Variants in FABP6 observed in about 807,000 individuals in gnomAD.
FABP6 encodes gastrotropin.
FABP6 carries 13 observed loss-of-function variants against 14.9 expected under a neutral mutation model. The ratio of observed to expected loss-of-function variants is 0.87; its 90% CI spans 0.57 to 1.39. The LOEUF (loss-of-function observed/expected upper bound fraction) is 1.39. Ranked by LOEUF, FABP6 falls within the 40% of genes most tolerant of loss-of-function variation. FABP6 has a pLI of 0.00. For synonymous variants in FABP6, 75 were observed against 63.6 expected, an observed-to-expected ratio of 1.18 and a Z score of -0.85; for missense variants, 161 against 167.2, an observed-to-expected ratio of 0.96 and a Z score of 0.20.
chr5:160,206,367 G>A (rs1292078865), intron 2 of FABP6, among the ~76,000 whole-genome samples: 2 of 152,106 alleles, frequency 1.3e-5, no homozygotes, highest in Non-Finnish European at 2.9e-5. Flanking sequence ...GGCAGAGGCT[G>A]GAGTGAGCTG....
intron 2 of FABP6, 59 bp from the exon 3 acceptor site, chr5:160,234,761 C>T: frequency 7.0e-7 from 1 of 1,421,566 alleles, no homozygotes; most frequent in Non-Finnish European, 9.7e-7. Context: ...CGCCACCAGC[C>T]CCAGATAGTT....
At chr5:160,237,476 C>T (rs572051420) in intron 3 of FABP6, among the ~76,000 whole-genome samples, 10 of 152,098 alleles carry the variant, frequency 6.6e-5, no homozygotes, top group Admixed American at 3.9e-4. Flanking sequence ...CTCTAGAGGC[C>T]CAGAATCATC....
chr5:160,216,349 C>A (rs554884086), intron 3 of FABP6, among the ~76,000 whole-genome samples: 1 of 151,716 alleles, frequency 6.6e-6, no homozygotes, highest in African/African-American at 2.4e-5. Context: ...CTCACTGCAA[C>A]CTTTGCCTCC....
intron 3 of FABP6, among the ~76,000 whole-genome samples, chr5:160,214,039 C>CT (rs1406702155): frequency 6.6e-6 from 1 of 152,108 alleles, no homozygotes. Context: ...TATAAATCAC[C>CT]TTTTTTATTT....
At chr5:160,202,544 C>T (rs1759664420) in intron 2 of FABP6, among the ~76,000 whole-genome samples, 1 of 152,158 alleles carries the variant, frequency 6.6e-6, no homozygotes, top group Non-Finnish European at 1.5e-5. Context: ...CGCCCGTAAT[C>T]CCAGCACTTT....
Position 160,215,685 on chromosome 5 carries a change from CA to C in FABP6, c.135+1879del, listed in dbSNP as rs112644160. On this transcript the variant is annotated intron_variant, in intron 3 of 6. Coordinates refer to the FABP6 transcript ENST00000393980. The stretch of plus-strand genomic sequence containing the variant: ...TTTGGGTGACAGAGCAAGACCTTGT[CA>C]AAAAAAAAAAAAGAAAAAAAGAAGT... Among the ~76,000 whole-genome samples, 117 of 104,152 alleles carry C rather than the reference CA, an allele frequency of 1.1e-3. 1 individual carries two copies. The highest frequency in any genetic ancestry group is 1.8e-3 in the Admixed American group (17 of 9,310). 68.3% of individuals were successfully genotyped at this position (104,152 alleles called of 152,430 possible).
chr5:160,237,669 C>T (rs578071980), intron 3 of FABP6, among the ~76,000 whole-genome samples: 194 of 152,252 alleles, frequency 1.3e-3, no homozygotes, highest in Non-Finnish European at 2.0e-3. Flanking sequence ...CATCACCTCC[C>T]ACTGCTGCCC....
intron 3 of FABP6, among the ~76,000 whole-genome samples, chr5:160,216,716 G>T (rs1208140100): frequency 6.6e-6 from 1 of 152,178 alleles, no homozygotes; most frequent in Non-Finnish European, 1.5e-5. Context: ...CCTTGGACAA[G>T]TCACCTAACC....
chr5:160,217,195 G>T (rs954099770), intron 3 of FABP6, among the ~76,000 whole-genome samples: 1 of 152,180 alleles, frequency 6.6e-6, no homozygotes, highest in African/African-American at 2.4e-5. Context: ...AGCAAGTTTT[G>T]TTGAGGGCAG....
At chr5:160,232,410 G>T (rs1024606852) in intron 2 of FABP6, 137 bp downstream of exon 2, 2 of 793,530 alleles carry the variant, frequency 2.5e-6, no homozygotes, top group Non-Finnish European at 3.9e-6. Flanking sequence ...GAGTTACTTG[G>T]CAATTTAATG....
rs183154944 is a variant in FABP6, at chr5:160,194,432, C to T, written c.-58-4617C>T. Among the ~76,000 whole-genome samples, 1,346 of 152,196 alleles carry T rather than the reference C, an allele frequency of 8.8e-3. 21 individuals are homozygous for T. The highest frequency in any genetic ancestry group is 0.031 in the African/African-American group (1,274 of 41,506). On this transcript the variant is annotated intron_variant, in intron 1 of 6. Transcript: ENST00000393980. The stretch of plus-strand genomic sequence containing the variant: ...AGGCAGAGGAGGCCCCGAGAGTGAG[C>T]GAGGGCTGTGAGGACTGCCAGCACG...
chr5:160,238,523 G>T, intron 3 of FABP6, 83 bp from the exon 4 acceptor site: 1 of 1,213,510 alleles, frequency 8.2e-7, no homozygotes, highest in Non-Finnish European at 1.2e-6. Context: ...GGCCGGGGTT[G>T]GAGACTCATC....
At chr5:160,222,258 A>G (rs920300979) in intron 3 of FABP6, among the ~76,000 whole-genome samples, 4 of 151,878 alleles carry the variant, frequency 2.6e-5, no homozygotes, top group Non-Finnish European at 4.4e-5. Context: ...ACACCTGCTA[A>G]TTTTTAAATT....
At chr5:160,222,781 A>C (rs1418197803) in intron 3 of FABP6, among the ~76,000 whole-genome samples, 1 of 152,254 alleles carries the variant, frequency 6.6e-6, no homozygotes, top group Non-Finnish European at 1.5e-5. Context: ...AAGATGTTTG[A>C]AACTCTGAGT....
At chr5:160,213,787 C>T (rs781162794) in exon 3 of FABP6, 13 of 1,613,814 alleles carry the variant, frequency 8.1e-6, no homozygotes, top group Middle Eastern at 1.7e-4. Context: ...GAAAGGAGAC[C>T]TGCAGAGAAT....
At chr5:160,192,288 A>C (rs761066235) in intron 1 of FABP6, among the ~76,000 whole-genome samples, 3 of 151,906 alleles carry the variant, frequency 2.0e-5, no homozygotes, top group African/African-American at 4.8e-5. Flanking sequence ...CAGCCTCCCA[A>C]GTGGCTGATA....
chr5:160,215,239 C>T (rs1759985518), intron 3 of FABP6, among the ~76,000 whole-genome samples: 2 of 152,168 alleles, frequency 1.3e-5, no homozygotes, highest in African/African-American at 2.4e-5. Context: ...GTGGGCTAGG[C>T]GCAGTGGCTC....
In FABP6 at chr5:160,229,572, C is replaced by G; in HGVS notation, c.15C>G (p.Gly5=). 6.2e-7 allele frequency: 1 copy of G among 1,614,004 alleles called. No individual in the cohort carries two copies. The highest frequency in any genetic ancestry group is 8.5e-7 in the Non-Finnish European group (1 of 1,179,952). ...CTCCCAGCAGCATGGCTTTCACCGG[C>G]AAGTTCGAGATGGAGAGTGAGAAGA... MAFT[G]KFEMESEKNY... The change falls in exon 1 of 4, where the codon GGC becomes GGG. Residue 5 remains glycine (G), a synonymous_variant. Transcript: ENST00000402432.
At chr5:160,197,762 G>A (rs1262353394) in intron 1 of FABP6, 1 of 69,604 alleles carries the variant, frequency 1.4e-5, no homozygotes, top group Non-Finnish European at 2.8e-5. Context: ...CGCGTCTGGA[G>A]AGAAATGCTG....
Sources: gnomAD v4.1 joint callset for allele counts (sites outside exome capture counted in the v4.1 genomes callset) on GRCh38, gnomAD v4.1.1 for gene constraint, MANE v1.5 for transcripts, NCBI Gene and HGNC (gene_info 2026-07-23, HGNC 2026-07-21) for gene names.